The following GPRIN3 variants were observed in gnomAD, a reference collection of about 807,000 sequenced individuals.
GPRIN3 encodes GPRIN family member 3.
A neutral mutation model predicts 13.7 loss-of-function variants in GPRIN3; 12 were observed. That is an observed-to-expected ratio of 0.87 (90% CI 0.56 to 1.42). The LOEUF is 1.42. Ranked by LOEUF, GPRIN3 falls within the 40% of genes most tolerant of loss-of-function variation. GPRIN3 has a pLI of 0.00. For missense variants in GPRIN3, 1,009 were observed against 958.7 expected (o/e 1.05, Z -0.69); for synonymous variants, 377 against 372.7 (o/e 1.01, Z -0.13).
chr4:89,292,085 A>G (rs1176992508), intron 1 of GPRIN3, among the ~76,000 whole-genome samples: 1 of 152,174 alleles, frequency 6.6e-6, no homozygotes, highest in Non-Finnish European at 1.5e-5. Context: ...AGGGATTTGC[A>G]AATAACACAT....
chr4:89,247,665 G>C lies in GPRIN3; in HGVS notation c.*115C>G. 1 of 1,047,806 alleles carries C rather than the reference G, an allele frequency of 9.5e-7. No homozygotes were observed. Among genetic ancestry groups the C allele is most frequent in the South Asian group, 1.7e-5 (1 of 59,480 alleles). The allele number at this position is 1,047,806 out of a possible 1,614,324, so 64.9% of individuals were successfully genotyped here. On this transcript the variant is annotated 3_prime_UTR_variant, in exon 2 of 2. Transcript: ENST00000609438. ...CAATTTTTAATAGCAATTTCCTATAGTGAATACTTGCTTTTTCTTCCTAGT... is the reference window on the plus strand; with the variant it reads ...CAATTTTTAATAGCAATTTCCTATACTGAATACTTGCTTTTTCTTCCTAGT...
chr4:89,288,383 T>C (rs1263161501), intron 1 of GPRIN3, among the ~76,000 whole-genome samples: 1 of 152,248 alleles, frequency 6.6e-6, no homozygotes, highest in Non-Finnish European at 1.5e-5. Context: ...GTTGAAAGGG[T>C]ATATATTAAA....
In GPRIN3 at chr4:89,291,810, A is replaced by G. The variant is rs369348195; in HGVS notation, c.-124+15805T>C. The stretch of plus-strand genomic sequence containing the variant: ...GTTCCAGTTGCTTCATATCCTTACC[A>G]ACACTTGGTACTGTCAGGGCTTTTT... On this transcript the variant is annotated intron_variant, in intron 1 of 1. Transcript: ENST00000609438. Among the ~76,000 whole-genome samples the G allele has an allele frequency of 2.7e-5, 4 of 146,486 alleles. No individual in the cohort carries two copies. In the Admixed American group the frequency reaches 2.7e-4, roughly 10 times the overall value.
Position 89,249,617 on chromosome 4 carries a change from T to C in GPRIN3, c.494A>G (p.Glu165Gly), listed in dbSNP as rs2149255623. 1 of 1,614,088 alleles carries C rather than the reference T, an allele frequency of 6.2e-7. No individual in the cohort carries two copies. Among genetic ancestry groups the C allele is most frequent in the Non-Finnish European group, 8.5e-7 (1 of 1,180,000 alleles). ...LMRSQRTSNR[E>G]QPEKPSCPVG... ...AGGACAACTTGGTTTCTCAGGTTGC[T>C]CTCTATTTGAGGTTCTCTGTGATCT... The change falls in exon 2 of 2, where the codon GAG (glutamate) becomes GGG (glycine). Residue 165 changes from glutamate (E) to glycine (G), a missense_variant. Glu to Gly is a moderately conservative substitution (Grantham distance 98). Coordinates refer to ENST00000609438, the MANE Select transcript of GPRIN3 (RefSeq NM_198281.3).
Position 89,247,695 on chromosome 4 carries a change from C to A in GPRIN3, c.*85G>T, listed in dbSNP as rs1289286974. ...TACTTGCTTTTTCTTCCTAGTCTTG[C>A]AGCAAAAAACTAAGCAAGCTTTGAC... On this transcript the variant is annotated 3_prime_UTR_variant, in exon 2 of 2. Coordinates refer to ENST00000609438, the MANE Select transcript of GPRIN3 (RefSeq NM_198281.3). 1 of 1,371,346 alleles carries A rather than the reference C, an allele frequency of 7.3e-7. No homozygotes were observed. Among genetic ancestry groups the A allele is most frequent in the Non-Finnish European group, 1.0e-6 (1 of 1,004,616 alleles). The allele number at this position is 1,371,346 out of a possible 1,614,324, so 84.9% of individuals were successfully genotyped here. A position where few individuals can be genotyped will look rare whatever the true frequency, so the allele number is the denominator to read the frequency against.
At position 89,247,498 on chromosome 4, in the gene GPRIN3, C is replaced by T. The variant is rs1251821355; in HGVS notation, c.*282G>A. On this transcript the variant is annotated 3_prime_UTR_variant, in exon 2 of 2. Coordinates refer to ENST00000609438, the MANE Select transcript of GPRIN3 (RefSeq NM_198281.3). ...ATAATGCTATTTCTATGAACAACATCATATTTTTAAAAACCCAGTGAGTAT... is the reference window on the plus strand; with the variant it reads ...ATAATGCTATTTCTATGAACAACATTATATTTTTAAAAACCCAGTGAGTAT... 4 of 345,296 alleles carry T rather than the reference C, an allele frequency of 1.2e-5. No individual in the cohort carries two copies. Among genetic ancestry groups the T allele is most frequent in the Non-Finnish European group, 2.1e-5 (4 of 191,940 alleles). The allele number at this position is 345,296 out of a possible 1,614,324, so 21.4% of individuals were successfully genotyped here.
At chr4:89,270,396 A>G (rs2149270581) in intron 1 of GPRIN3, among the ~76,000 whole-genome samples, 1 of 151,704 alleles carries the variant, frequency 6.6e-6, no homozygotes, top group East Asian at 1.9e-4. Flanking sequence ...CAAAGTTGCC[A>G]GACAAATGTA....
In GPRIN3 at chr4:89,269,114, A is replaced by T. The variant is rs577302971; in HGVS notation, c.-123-18881T>A. ...AAGGATCTCCAAATATTTCTAGGTT[A>T]GTCATTGGTATCTTGAGGAAAAATT... On this transcript the variant is annotated intron_variant, in intron 1 of 1. Coordinates refer to ENST00000609438, the MANE Select transcript of GPRIN3 (RefSeq NM_198281.3). Among the ~76,000 whole-genome samples, 4 of 152,310 alleles carry T rather than the reference A, an allele frequency of 2.6e-5. No individual in the cohort carries two copies. In the East Asian group the frequency reaches 7.7e-4, roughly 29 times the overall value.
At chr4:89,300,396 T>C (rs989809546) in intron 1 of GPRIN3, among the ~76,000 whole-genome samples, 3 of 152,254 alleles carry the variant, frequency 2.0e-5, no homozygotes, top group South Asian at 2.1e-4. Context: ...GTAGCATATA[T>C]ATTGCTGTTC....
At chr4:89,292,001 G>A (rs897374971) in intron 1 of GPRIN3, among the ~76,000 whole-genome samples, 1 of 152,118 alleles carries the variant, frequency 6.6e-6, no homozygotes, top group East Asian at 1.9e-4. Context: ...CTAGACTAAA[G>A]GTTTCTTTGT....
At position 89,278,416 on chromosome 4, in the gene GPRIN3, CCTT is replaced by C. The variant is rs1333001331; in HGVS notation, c.-123-28186_-123-28184del. Reference sequence around the variant, plus strand: ...AGCGATAATGACATATTTAAATTCTCCTTCTTTTTCCAAATTGTCAAAAATAAT... The same window carrying C: ...AGCGATAATGACATATTTAAATTCTCCTTTTTCCAAATTGTCAAAAATAAT... On this transcript the variant is annotated intron_variant, in intron 1 of 1. Coordinates refer to ENST00000609438, the MANE Select transcript of GPRIN3 (RefSeq NM_198281.3). Among the ~76,000 whole-genome samples the C allele has an allele frequency of 3.9e-5, 6 of 152,244 alleles. No homozygotes were observed. In the East Asian group the frequency reaches 9.6e-4, roughly 24 times the overall value.
At chr4:89,257,684 G>C (rs568839766) in intron 1 of GPRIN3, among the ~76,000 whole-genome samples, 13 of 152,304 alleles carry the variant, frequency 8.5e-5, no homozygotes, top group African/African-American at 2.6e-4. Context: ...ACACAGGGAA[G>C]AGAGACCTCT....
At position 89,242,406 on chromosome 4, in the gene GPRIN3, C is replaced by T. The variant is rs1478013309; in HGVS notation, c.*5374G>A. 6.6e-6 allele frequency: 1 copy of T among 152,156 alleles called. No individual in the cohort carries two copies. The highest frequency in any genetic ancestry group is 2.4e-5 in the African/African-American group (1 of 41,426). The allele number at this position is 152,156 out of a possible 1,614,324, so 9.4% of individuals were successfully genotyped here. ...TGCTAGTGTCCAGAAAGAGTAATTA[C>T]CATAAGTTTAAAGTCTCCATTTCAA... On this transcript the variant is annotated 3_prime_UTR_variant, in exon 2 of 2. Coordinates refer to ENST00000609438, the MANE Select transcript of GPRIN3 (RefSeq NM_198281.3).
rs1298783718 is a variant in GPRIN3 at position 89,247,849 on chromosome 4, C to T, written c.2262G>A (p.Gln754=). The stretch of plus-strand genomic sequence containing the variant: ...GGCGTCGGAAGTTCTGCAGCATGGA[C>T]TGGAAAACACTGTGCTGCCTTCCTC... The part of the protein sequence containing the change: ...KLRGRQHSVF[Q]SMLQNFRRPN... The change falls in exon 2 of 2, where the codon CAG becomes CAA. Residue 754 remains glutamine, a synonymous_variant. Transcript: ENST00000609438. The T allele has an allele frequency of 6.2e-7, 1 of 1,614,144 alleles. No homozygotes were observed. Among genetic ancestry groups the T allele is most frequent in the Non-Finnish European group, 8.5e-7 (1 of 1,180,010 alleles).
chr4:89,279,070 G>A (rs1352892597), intron 1 of GPRIN3, among the ~76,000 whole-genome samples: 1 of 152,208 alleles, frequency 6.6e-6, no homozygotes, highest in African/African-American at 2.4e-5. Flanking sequence ...TTTCACCAAG[G>A]CTGAGCACAG....
Position 89,249,179 on chromosome 4 carries a change from TC to T in GPRIN3, c.931del (p.Glu311LysfsTer34), listed in dbSNP as rs762386550. 2 of 1,614,208 alleles carry T rather than the reference TC, an allele frequency of 1.2e-6. No individual in the cohort carries two copies. Among genetic ancestry groups the T allele is most frequent in the Non-Finnish European group, 8.5e-7 (1 of 1,180,028 alleles). On this transcript the variant is annotated frameshift_variant, in exon 2 of 2. Coordinates refer to ENST00000609438, the MANE Select transcript of GPRIN3 (RefSeq NM_198281.3). LOFTEE classifies it low-confidence loss of function (END_TRUNC). ...ATCTTGCCAAGCCCTGCTGGGAACT[TC>T]CTTGATTTCACTTTCAGCTTGGTTG... is the stretch of plus-strand genomic sequence containing the variant. ...MTNQAESEIK[E>X]VPSRAWQDAE...
chr4:89,287,158 A>C (rs1389266951), intron 1 of GPRIN3, among the ~76,000 whole-genome samples: 1 of 152,218 alleles, frequency 6.6e-6, no homozygotes, highest in Non-Finnish European at 1.5e-5. Context: ...TATACAAGAC[A>C]TACAAAACTG....
At chr4:89,266,994 T>C (rs1723799563) in intron 1 of GPRIN3, among the ~76,000 whole-genome samples, 2 of 152,146 alleles carry the variant, frequency 1.3e-5, no homozygotes. Context: ...AGAAAATATA[T>C]ATGTAAAGAA....
intron 1 of GPRIN3, among the ~76,000 whole-genome samples, chr4:89,261,257 G>A (rs771212851): frequency 1.4e-4 from 22 of 152,130 alleles, no homozygotes; most frequent in Non-Finnish European, 3.1e-4. Flanking sequence ...GTTTAGCAGC[G>A]CAATGCTGGC....
Sources: gnomAD v4.1 joint callset for allele counts (sites outside exome capture counted in the v4.1 genomes callset) on GRCh38, gnomAD v4.1.1 for gene constraint, MANE v1.5 for transcripts, NCBI Gene and HGNC (gene_info 2026-07-23, HGNC 2026-07-21) for gene names.